The following PCDH15 variants were observed in gnomAD, a reference collection of about 807,000 sequenced individuals.
The protein encoded by PCDH15 is protocadherin-15.
Under a neutral mutation model 178.5 loss-of-function variants are expected in PCDH15, and 129 were observed. The ratio of observed to expected loss-of-function variants is 0.72; its 90% CI spans 0.63 to 0.84. The LOEUF (loss-of-function observed/expected upper bound fraction) is 0.84. PCDH15 is among the 40% of genes least tolerant of loss of function. PCDH15 has a pLI of 0.00. For missense variants in PCDH15, 2,230 were observed against 2,099.9 expected (o/e 1.06, Z -1.21); for synonymous variants, 800 against 732.0 (o/e 1.09, Z -1.50).
intron 3 of PCDH15, among the ~76,000 whole-genome samples, chr10:54,385,052 C>A (rs2135188366): frequency 2.0e-5 from 3 of 152,172 alleles, no homozygotes; most frequent in African/African-American, 7.2e-5. Flanking sequence ...GATCCAAATC[C>A]AAGTGTATAT....
chr10:55,076,779 T>C (rs1382397763), intron 2 of PCDH15, among the ~76,000 whole-genome samples: 1 of 143,972 alleles, frequency 6.9e-6, no homozygotes, highest in Non-Finnish European at 1.5e-5. Flanking sequence ...TTTTTTTTTT[T>C]TTTTTTTTGA....
chr10:54,789,120 C>A (rs1951158961), intron 1 of PCDH15, among the ~76,000 whole-genome samples: 1 of 151,766 alleles, frequency 6.6e-6, no homozygotes, highest in Non-Finnish European at 1.5e-5. Flanking sequence ...CCAAAACATT[C>A]ATATTTAAAA....
At chr10:55,043,433 CTG>C (rs1490245278) in intron 2 of PCDH15, among the ~76,000 whole-genome samples, 8 of 151,962 alleles carry the variant, frequency 5.3e-5, no homozygotes, top group African/African-American at 1.9e-4. Context: ...AAACAAAAGG[CTG>C]GGCACAGTGA....
chr10:54,725,550 AAT>A (rs371235496), intron 1 of PCDH15, among the ~76,000 whole-genome samples: 15,794 of 127,392 alleles, frequency 0.12, 1,193 homozygotes, highest in Middle Eastern at 0.15. Context: ...TTATATATAT[AAT>A]TATATATATA....
Position 55,137,791 on chromosome 10 carries a change from T to G in PCDH15, c.-80+28785A>C, listed in dbSNP as rs141682141. ...TACAGAAGAGTGAACAGGGTGAGGG[T>G]TATAGAAAATGAGATAACTACAGGA... On this transcript the variant is annotated intron_variant, in intron 2 of 5. Coordinates refer to the PCDH15 transcript ENST00000458638. Among the ~76,000 whole-genome samples, 1,130 of 152,032 alleles carry G rather than the reference T, an allele frequency of 7.4e-3. 17 individuals are homozygous for G. Among genetic ancestry groups the G allele is most frequent in the African/African-American group, 0.025 (1,046 of 41,474 alleles).
intron 8 of PCDH15, among the ~76,000 whole-genome samples, chr10:54,292,748 T>A (rs576498849): frequency 1.3e-5 from 2 of 152,178 alleles, no homozygotes; most frequent in East Asian, 3.9e-4. Flanking sequence ...TACCTAGGAA[T>A]CCAACATACA....
intron 2 of PCDH15, among the ~76,000 whole-genome samples, chr10:54,655,278 G>GAGAA (rs1565865777): frequency 2.1e-5 from 3 of 140,594 alleles, no homozygotes; most frequent in Non-Finnish European, 4.6e-5. Context: ...GAGAGAGAGA[G>GAGAA]AGAGAGAGAG....
At chr10:55,062,054 A>G (rs1265952270) in intron 2 of PCDH15, among the ~76,000 whole-genome samples, 1 of 152,148 alleles carries the variant, frequency 6.6e-6, no homozygotes, top group African/African-American at 2.4e-5. Flanking sequence ...ACAAAAGATA[A>G]AAAAGAAATT....
At chr10:54,337,110 G>GTGTA (rs34501484) in intron 6 of PCDH15, among the ~76,000 whole-genome samples, 1 of 150,418 alleles carries the variant, frequency 6.6e-6, no homozygotes, top group Non-Finnish European at 1.5e-5. Flanking sequence ...CATTTGGAAT[G>GTGTA]TATATATATA....
chr10:54,234,787 G>T (rs926727199), intron 9 of PCDH15, among the ~76,000 whole-genome samples: 2 of 152,170 alleles, frequency 1.3e-5, no homozygotes, highest in African/African-American at 4.8e-5. Context: ...TATATCTATT[G>T]TTTGGGACAA....
At chr10:54,015,265 C>T (rs1049066785) in intron 20 of PCDH15, among the ~76,000 whole-genome samples, 1 of 151,988 alleles carries the variant, frequency 6.6e-6, no homozygotes, top group South Asian at 2.1e-4. Context: ...ATGACAGAAA[C>T]AAATTGAAAA....
rs911149115 is a variant in PCDH15 at position 54,508,646 on chromosome 10, A to G, written c.157+19166T>C. Reference sequence around the variant, plus strand: ...CTGAAGTGAAAAACAGAATGGTTATAGGGGTGTTCATCATTTATGTACATA... The same window carrying G: ...CTGAAGTGAAAAACAGAATGGTTATGGGGGTGTTCATCATTTATGTACATA... On this transcript the variant is annotated intron_variant, in intron 3 of 37. Transcript: ENST00000644397. Among the ~76,000 whole-genome samples the G allele has an allele frequency of 9.9e-5, 15 of 152,268 alleles. 1 individual carries two copies. In the South Asian group the frequency reaches 3.1e-3, roughly 32 times the overall value.
At chr10:55,345,070 A>C (rs984881210) in intron 2 of PCDH15, among the ~76,000 whole-genome samples, 1 of 151,790 alleles carries the variant, frequency 6.6e-6, no homozygotes, top group African/African-American at 2.4e-5. Context: ...CTCTTACTAT[A>C]TCTCTATATC....
At chr10:54,787,638 C>T (rs1313769834) in intron 1 of PCDH15, among the ~76,000 whole-genome samples, 3 of 151,914 alleles carry the variant, frequency 2.0e-5, no homozygotes, top group African/African-American at 7.2e-5. Context: ...TTCACCTTCC[C>T]TTCATGGGGC....
intron 3 of PCDH15, among the ~76,000 whole-genome samples, chr10:54,832,224 G>A (rs1307772793): frequency 6.6e-6 from 1 of 152,092 alleles, no homozygotes; most frequent in Non-Finnish European, 1.5e-5. Context: ...GGAACCCCAG[G>A]AGAAGCCTTG....
In PCDH15 at chr10:53,827,479, C is replaced by A; in HGVS notation, c.4281G>T (p.Pro1427=). 6.2e-7 allele frequency: 1 copy of A among 1,614,052 alleles called. No homozygotes were observed. The highest frequency in any genetic ancestry group is 1.1e-5 in the South Asian group (1 of 91,084). Residue 1427 remains proline (P), a synonymous_variant, in exon 32 of 38, where the codon CCG becomes CCT. Transcript: ENST00000644397. ...AALPAAKPAV[P]APAPVAAPPP... ...GGGGCGCTGCCACTGGTGCAGGAGC[C>A]GGCACTGCTGGTTTAGCCGCGGGTA...
At chr10:55,617,071 A>G (rs1287618433) in intron 2 of PCDH15, among the ~76,000 whole-genome samples, 1 of 152,126 alleles carries the variant, frequency 6.6e-6, no homozygotes, top group Non-Finnish European at 1.5e-5. Context: ...GTTAGACCTC[A>G]TAAGCAACCT....
At chr10:54,592,490 T>C (rs1262254092) in intron 2 of PCDH15, among the ~76,000 whole-genome samples, 1 of 152,160 alleles carries the variant, frequency 6.6e-6, no homozygotes, top group East Asian at 1.9e-4. Flanking sequence ...CTAATTAACA[T>C]ATCCATCACA....
chr10:53,990,493 A>C (rs2091391289), intron 21 of PCDH15, among the ~76,000 whole-genome samples: 1 of 138,536 alleles, frequency 7.2e-6, no homozygotes, highest in South Asian at 2.2e-4. Flanking sequence ...CATAATTCTC[A>C]CAATGTTATA....
Sources: allele counts gnomAD v4.1 joint callset (sites outside exome capture counted in the v4.1 genomes callset), GRCh38; gene constraint gnomAD v4.1.1; transcripts MANE v1.5; gene names NCBI Gene and HGNC (gene_info 2026-07-23, HGNC 2026-07-21).